The following NPAS3 variants were observed in gnomAD, a reference collection of about 807,000 sequenced individuals.
NPAS3 encodes the protein neuronal PAS domain-containing protein 3.
A neutral mutation model predicts 73.1 loss-of-function variants in NPAS3; 14 were observed. The observed-to-expected ratio is 0.19, with a 90% CI of 0.13 to 0.30. NPAS3 has a LOEUF of 0.30. Among genes scored for constraint, NPAS3 ranks in the 10% least tolerant of loss-of-function variants. The pLI is 1.00. For synonymous variants in NPAS3, 620 were observed against 541.5 expected (o/e 1.14, Z -2.01); for missense variants, 1,096 against 1,250.0 (o/e 0.88, Z 1.86).
At chr14:33,014,697 A>G (rs191369935) in intron 1 of NPAS3, among the ~76,000 whole-genome samples, 1 of 152,312 alleles carries the variant, frequency 6.6e-6, no homozygotes, top group Non-Finnish European at 1.5e-5. Flanking sequence ...ATTACTTCTT[A>G]GATTATTTTT....
chr14:33,352,785 C>T (rs1013358612), intron 3 of NPAS3, among the ~76,000 whole-genome samples: 1 of 151,954 alleles, frequency 6.6e-6, no homozygotes, highest in Non-Finnish European at 1.5e-5. Flanking sequence ...AAAGTAAAAC[C>T]AGTATGAGAG....
chr14:33,372,121 A>G (rs2046116658), intron 4 of NPAS3, among the ~76,000 whole-genome samples: 1 of 152,178 alleles, frequency 6.6e-6, no homozygotes, highest in African/African-American at 2.4e-5. Context: ...TTTGGAAACT[A>G]AAGTAGAGGT....
intron 4 of NPAS3, among the ~76,000 whole-genome samples, chr14:33,559,270 G>A (rs930185053): frequency 2.6e-5 from 4 of 152,198 alleles, no homozygotes; most frequent in African/African-American, 9.6e-5. Flanking sequence ...TTGTAAGATT[G>A]CAGCCCATAA....
intron 1 of NPAS3, among the ~76,000 whole-genome samples, chr14:32,969,499 A>G (rs1304180559): frequency 1.3e-5 from 2 of 152,206 alleles, no homozygotes; most frequent in African/African-American, 4.8e-5. Flanking sequence ...TGACATAAAT[A>G]TTGCATTTTA....
chr14:33,450,620 G>T (rs941697985), intron 4 of NPAS3, among the ~76,000 whole-genome samples: 1 of 151,958 alleles, frequency 6.6e-6, no homozygotes, highest in South Asian at 2.1e-4. Flanking sequence ...TTGTTATTTC[G>T]CTGCCAGATT....
At chr14:33,680,691 C>CA (rs2059911100) in intron 6 of NPAS3, 2 of 700,294 alleles carry the variant, frequency 2.9e-6, no homozygotes, top group Non-Finnish European at 5.2e-6. Context: ...AGAGAGAACT[C>CA]AGCCAGGGCA....
At chr14:33,608,410 G>A (rs1169556628) in intron 5 of NPAS3, 1 of 152,188 alleles carries the variant, frequency 6.6e-6, no homozygotes, top group Non-Finnish European at 1.5e-5. Flanking sequence ...ATGTGAGGAT[G>A]TTTCTGAAAT....
chr14:33,601,888 C>G (rs2057409776), intron 5 of NPAS3, among the ~76,000 whole-genome samples: 1 of 152,044 alleles, frequency 6.6e-6, no homozygotes, highest in South Asian at 2.1e-4. Flanking sequence ...TTTGCCTTCC[C>G]ACCTGAAAAA....
chr14:32,937,921 G>A (rs1273057551), upstream of NPAS3, among the ~76,000 whole-genome samples: 1 of 152,138 alleles, frequency 6.6e-6, no homozygotes, highest in African/African-American at 2.4e-5. Flanking sequence ...GTCTACCCAG[G>A]TAACAGGATT....
At chr14:33,773,693 A>T (rs2062725079) in intron 7 of NPAS3, among the ~76,000 whole-genome samples, 1 of 152,110 alleles carries the variant, frequency 6.6e-6, no homozygotes, top group African/African-American at 2.4e-5. Context: ...TCCTGACCCT[A>T]CTTTAGTATG....
chr14:33,451,098 C>T (rs2049769916), intron 4 of NPAS3, among the ~76,000 whole-genome samples: 1 of 152,128 alleles, frequency 6.6e-6, no homozygotes. Context: ...TCCTTGAGAT[C>T]CAAGATATTT....
intron 1 of NPAS3, among the ~76,000 whole-genome samples, chr14:32,968,287 A>G (rs918017132): frequency 2.0e-5 from 3 of 152,206 alleles, no homozygotes; most frequent in Admixed American, 1.3e-4. Context: ...TATGCTAATT[A>G]CCCTGACTTT....
chr14:33,125,304 AATTT>A (rs1299077565), intron 2 of NPAS3, among the ~76,000 whole-genome samples: 15 of 152,126 alleles, frequency 9.9e-5, no homozygotes, highest in African/African-American at 3.6e-4. Flanking sequence ...AGTGTAACGG[AATTT>A]ATTTATGGGC....
chr14:33,069,339 T>C (rs1463009792), intron 2 of NPAS3, among the ~76,000 whole-genome samples: 1 of 152,238 alleles, frequency 6.6e-6, no homozygotes, highest in Non-Finnish European at 1.5e-5. Context: ...TATGTGTATG[T>C]ACGGATAATA....
At chr14:33,793,740 T>C (rs561104747) in intron 9 of NPAS3, among the ~76,000 whole-genome samples, 157 bp from the exon 10 acceptor site, 1 of 152,320 alleles carries the variant, frequency 6.6e-6, no homozygotes, top group Admixed American at 6.5e-5. Flanking sequence ...TCATTTGTCC[T>C]ACTAATGGCA....
In NPAS3 at chr14:33,544,783, G is replaced by A. The variant is rs531929691; in HGVS notation, c.469-15338G>A. On this transcript the variant is annotated intron_variant, in intron 4 of 11. Transcript: ENST00000356141. ...CATATGCATGTATGTGTTTATGTGT[G>A]TGTATTATATATATATATATATATA... Among the ~76,000 whole-genome samples the A allele has an allele frequency of 2.0e-3, 101 of 51,144 alleles. 5 individuals are homozygous for A. The highest frequency in any genetic ancestry group is 0.019 in the African/African-American group (82 of 4,236). 33.6% of individuals were successfully genotyped at this position (51,144 alleles called of 152,430 possible).
chr14:33,388,448 GA>G (rs1006437393), intron 4 of NPAS3, among the ~76,000 whole-genome samples: 1 of 148,044 alleles, frequency 6.8e-6, no homozygotes, highest in African/African-American at 2.5e-5. Context: ...AGGCACTCGT[GA>G]AAAAAAAATT....
At chr14:33,007,742 A>T (rs2039047339) in intron 1 of NPAS3, among the ~76,000 whole-genome samples, 2 of 152,224 alleles carry the variant, frequency 1.3e-5, no homozygotes, top group South Asian at 4.1e-4. Context: ...TAAAGTATTA[A>T]TATTTTGGAA....
chr14:33,254,428 T>C (rs2048701400), intron 3 of NPAS3, among the ~76,000 whole-genome samples: 1 of 152,150 alleles, frequency 6.6e-6, no homozygotes, highest in South Asian at 2.1e-4. Context: ...CTCCCCATCC[T>C]CATTCTTAAG....
Sources: gnomAD v4.1 joint callset for allele counts (sites outside exome capture counted in the v4.1 genomes callset) on GRCh38, gnomAD v4.1.1 for gene constraint, MANE v1.5 for transcripts, NCBI Gene and HGNC (gene_info 2026-07-23, HGNC 2026-07-21) for gene names.